Variants in HMCN1 observed in about 807,000 individuals in gnomAD.
HMCN1 encodes the protein hemicentin 1, also known as hemicentin-1.
In HMCN1, 321 loss-of-function variants were observed where a neutral mutation model predicts 625.9. The observed-to-expected ratio is 0.51, with a 90% confidence interval of 0.47 to 0.56. The LOEUF (loss-of-function observed/expected upper bound fraction) is 0.56, where lower values mean the gene tolerates loss of function less well. Among genes scored for constraint, HMCN1 ranks in the 20% least tolerant of loss-of-function variants. The pLI is 0.00. For synonymous variants in HMCN1, 2,425 were observed against 2,417.6 expected (o/e 1.00, Z -0.09); for missense variants, 6,588 against 6,887.3 (o/e 0.96, Z 1.54).
rs1400444097 is a variant in HMCN1 at position 186,069,741 on chromosome 1, G to T, written c.7958G>T (p.Gly2653Val). 9.3e-6 allele frequency: 15 copies of T among 1,613,218 alleles called. No homozygotes were observed. The highest frequency in any genetic ancestry group is 1.3e-5 in the Non-Finnish European group (15 of 1,179,456). The change falls in exon 51 of 107, where the codon GGA becomes GTA. Residue 2653 changes from glycine to valine, a missense_variant. This residue lies in a region of HMCN1 where 4,628 missense variants were observed against 4,853.1 expected (regional missense o/e 0.95). Transcript: ENST00000271588. ...TCTTGTGTAGCCACGAATGAGGCTG[G>T]AGAAATGATAAAGCACTATGAAGTG... is the stretch of plus-strand genomic sequence containing the variant. Reference protein sequence around the residue: ...RYSCVATNEAGEMIKHYEVKV... With the variant: ...RYSCVATNEAVEMIKHYEVKV...
intron 100 of HMCN1, among the ~76,000 whole-genome samples, chr1:186,168,368 G>A (rs1344777917): frequency 2.6e-5 from 4 of 151,344 alleles, no homozygotes; most frequent in South Asian, 2.1e-4. Context: ...CAGGAGAATC[G>A]CTTGAACCCA....
intron 10 of HMCN1, among the ~76,000 whole-genome samples, chr1:185,932,528 T>A (rs906407900): frequency 1.9e-4 from 29 of 152,174 alleles, no homozygotes; most frequent in African/African-American, 7.0e-4. Context: ...AATGTATTGC[T>A]ACAGGAGATC....
chr1:185,991,806 C>A (rs534906963), intron 22 of HMCN1, among the ~76,000 whole-genome samples: 2 of 152,122 alleles, frequency 1.3e-5, no homozygotes, highest in Admixed American at 1.3e-4. Flanking sequence ...TACAGAGCTA[C>A]AATTCCTGGT....
intron 1 of HMCN1, among the ~76,000 whole-genome samples, chr1:185,781,556 C>G (rs920703448): frequency 6.6e-6 from 1 of 152,108 alleles, no homozygotes; most frequent in Non-Finnish European, 1.5e-5. Context: ...TGTCTTTGTT[C>G]TCATTGGTTT....
chr1:185,832,086 G>A (rs954999769), intron 1 of HMCN1, among the ~76,000 whole-genome samples: 11 of 151,984 alleles, frequency 7.2e-5, no homozygotes, highest in South Asian at 4.2e-4. Context: ...TCTTGAGGTC[G>A]GAAGTTCGAG....
intron 1 of HMCN1, among the ~76,000 whole-genome samples, chr1:185,822,506 T>C (rs570370735): frequency 1.3e-5 from 2 of 152,284 alleles, no homozygotes; most frequent in African/African-American, 4.8e-5. Context: ...ACTTGAAGGG[T>C]TTGATAATGT....
intron 1 of HMCN1, among the ~76,000 whole-genome samples, chr1:185,748,881 T>TATA (rs1654608066): frequency 6.6e-6 from 1 of 152,204 alleles, no homozygotes; most frequent in Non-Finnish European, 1.5e-5. Flanking sequence ...ACACTTGACC[T>TATA]AGAGTCAAAA....
intron 1 of HMCN1, among the ~76,000 whole-genome samples, chr1:185,793,041 C>T (rs1658109592): frequency 1.3e-5 from 2 of 152,126 alleles, no homozygotes; most frequent in African/African-American, 4.8e-5. Flanking sequence ...ACAGCTTCAA[C>T]ACCTTTTTTC....
chr1:186,165,433 G>T (rs1651819276), intron 98 of HMCN1, among the ~76,000 whole-genome samples: 2 of 152,208 alleles, frequency 1.3e-5, no homozygotes, highest in South Asian at 4.1e-4. Flanking sequence ...AGCCAACTGT[G>T]TCAGAGATAG....
rs767430999 is a variant in HMCN1, at chr1:186,171,963, A to T, written c.15689-43A>T. The T allele has an allele frequency of 7.5e-6, 12 of 1,590,942 alleles. No individual in the cohort carries two copies. In the East Asian group the frequency reaches 2.7e-4, roughly 36 times the overall value. The stretch of plus-strand genomic sequence containing the variant: ...TATGATTTCTCTGGAAAAGTTGAAT[A>T]AATAATTTTCTTAATCTACATTACC... On this transcript the variant is annotated intron_variant, in intron 101 of 106. Coordinates refer to ENST00000271588, the MANE Select transcript of HMCN1 (RefSeq NM_031935.3).
intron 45 of HMCN1, among the ~76,000 whole-genome samples, chr1:186,056,110 G>A (rs955734902): frequency 1.3e-5 from 2 of 151,962 alleles, no homozygotes. Flanking sequence ...AGTCATAAAT[G>A]TCAATAAGAA....
At chr1:186,186,516 G>GACTC (rs1211034901) in intron 105 of HMCN1, among the ~76,000 whole-genome samples, 1 of 152,142 alleles carries the variant, frequency 6.6e-6, no homozygotes, top group Non-Finnish European at 1.5e-5. Flanking sequence ...GACAGAGTGA[G>GACTC]ACTCCGTCTC....
chr1:185,970,859 C>T (rs576590042), intron 15 of HMCN1, among the ~76,000 whole-genome samples: 1 of 151,902 alleles, frequency 6.6e-6, no homozygotes, highest in Non-Finnish European at 1.5e-5. Flanking sequence ...GGGGTTTCAC[C>T]ATGTTGGCCA....
rs114108365 is a variant in HMCN1, at chr1:185,746,993, A to G, written c.268+11946A>G. Among the ~76,000 whole-genome samples, 873 of 152,242 alleles carry G rather than the reference A, an allele frequency of 5.7e-3. 3 individuals carry two copies. Among genetic ancestry groups the G allele is most frequent in the African/African-American group, 0.02 (838 of 41,538 alleles). ...GTGGTCGCCTCTTAATTATATCTGCAATGACTATTTACAAAGAAGGTCACA... is the reference window on the plus strand; with the variant it reads ...GTGGTCGCCTCTTAATTATATCTGCGATGACTATTTACAAAGAAGGTCACA... On this transcript the variant is annotated intron_variant, in intron 1 of 106. Transcript: ENST00000271588.
chr1:185,745,815 A>C (rs930629726), intron 1 of HMCN1, among the ~76,000 whole-genome samples: 2 of 152,170 alleles, frequency 1.3e-5, no homozygotes, highest in African/African-American at 4.8e-5. Context: ...GTCCACTTGA[A>C]ACTTACATAG....
At chr1:185,876,357 GC>G (rs1293699572) in intron 4 of HMCN1, among the ~76,000 whole-genome samples, 2 of 151,950 alleles carry the variant, frequency 1.3e-5, no homozygotes, top group Non-Finnish European at 2.9e-5. Flanking sequence ...TTTCAGTAGT[GC>G]TATGATAAAC....
chr1:185,892,810 A>C lies in HMCN1; in HGVS notation c.622-16527A>C, dbSNP rs1052866539. Among the ~76,000 whole-genome samples the C allele has an allele frequency of 2.0e-5, 3 of 152,184 alleles. No homozygotes were observed. The East Asian group carries it at 5.8e-4, about 29-fold the overall frequency. On this transcript the variant is annotated intron_variant, in intron 4 of 106. Transcript: ENST00000271588. ...AGAGGTGGAGCCTACAGAGGCAGGCAGGCCTCCTTGAGCTGTGGTGGGCTC... is the reference window on the plus strand; with the variant it reads ...AGAGGTGGAGCCTACAGAGGCAGGCCGGCCTCCTTGAGCTGTGGTGGGCTC...
chr1:186,018,105 A>G, intron 33 of HMCN1, 78 bp from the exon 34 acceptor site: 1 of 1,266,532 alleles, frequency 7.9e-7, no homozygotes, highest in Non-Finnish European at 1.2e-6. Context: ...ACAAATATAC[A>G]ATAGAAACTT....
chr1:185,765,729 T>C (rs533038416), intron 1 of HMCN1, among the ~76,000 whole-genome samples: 1 of 152,282 alleles, frequency 6.6e-6, no homozygotes, highest in East Asian at 1.9e-4. Context: ...TCTCAAAAGG[T>C]GGTCCCTGGA....
Sources: allele counts gnomAD v4.1 joint callset (sites outside exome capture counted in the v4.1 genomes callset), GRCh38; gene constraint gnomAD v4.1.1; regional missense constraint gnomAD v4.1.1; transcripts MANE v1.5; gene names NCBI Gene and HGNC (gene_info 2026-07-23, HGNC 2026-07-21).